GIMAP6: variants seen among roughly 807,000 people sequenced by gnomAD.
GIMAP6 encodes GTPase, IMAP family member 6, also known as GTPase IMAP family member 6.
A neutral mutation model predicts 9.3 loss-of-function variants in GIMAP6; 6 were observed. That is an observed-to-expected ratio of 0.65 (90% CI 0.35 to 1.27). GIMAP6 has a LOEUF of 1.27. Among genes scored for constraint, GIMAP6 ranks in the 50% most tolerant of loss-of-function variants. The probability of loss-of-function intolerance (pLI) is 0.03; values close to 1 mark genes in which losing one functional copy is unlikely to be tolerated. For missense variants in GIMAP6, 333 were observed against 359.5 expected, an observed-to-expected ratio of 0.93 and a Z score of 0.60; for synonymous variants, 156 against 151.1, an observed-to-expected ratio of 1.03 and a Z score of -0.24.
In GIMAP6 at chr7:150,628,359, T is replaced by G; in HGVS notation, c.239A>C (p.Gln80Pro). 1 of 1,614,104 alleles carries G rather than the reference T, an allele frequency of 6.2e-7. No individual in the cohort carries two copies. The highest frequency in any genetic ancestry group is 1.1e-5 in the South Asian group (1 of 91,064). ...LSTRPVTKTS[Q>P]RRSREWAGKE... ...CCCAGCCCACTCTCGGCTCCGTCTC[T>G]GGGAGGTCTTGGTCACGGGTCTGGT... Residue 80 changes from glutamine to proline, a missense_variant, in exon 3 of 3, where the codon CAG (glutamine) becomes CCG (proline). Physicochemically the swap from Gln to Pro is moderately conservative, Grantham distance 76. Transcript: ENST00000328902.
In GIMAP6 at chr7:150,627,620, A is replaced by T; in HGVS notation, c.*99T>A. On this transcript the variant is annotated 3_prime_UTR_variant, in exon 3 of 3. Coordinates refer to ENST00000328902, the MANE Select transcript of GIMAP6 (RefSeq NM_024711.6). ...TCCTACACCAGACGTCATGACCTGGAGACTGGGAAGCACTCCATGGGATGG... is the reference window on the plus strand; with the variant it reads ...TCCTACACCAGACGTCATGACCTGGTGACTGGGAAGCACTCCATGGGATGG... 1 of 1,458,486 alleles carries T rather than the reference A, an allele frequency of 6.9e-7. No individual in the cohort carries two copies. The highest frequency in any genetic ancestry group is 9.6e-7 in the Non-Finnish European group (1 of 1,043,670). The allele number at this position is 1,458,486 out of a possible 1,614,324, so 90.3% of individuals were successfully genotyped here.
chr7:150,631,699 T>C (rs191745354), intron 1 of GIMAP6, among the ~76,000 whole-genome samples: 1 of 152,320 alleles, frequency 6.6e-6, no homozygotes, highest in Admixed American at 6.5e-5. Context: ...GCACCTCCCA[T>C]GTTGGCCACA....
intron 2 of GIMAP6, among the ~76,000 whole-genome samples, chr7:150,629,600 C>G (rs1796357915): frequency 6.6e-6 from 1 of 152,124 alleles, no homozygotes; most frequent in African/African-American, 2.4e-5. Flanking sequence ...TCTGAGGCAG[C>G]AGCCAAGTAC....
At position 150,626,806 on chromosome 7, in the gene GIMAP6, G is replaced by A. The variant is rs1053803189; in HGVS notation, c.*913C>T. The A allele has an allele frequency of 3.3e-5, 5 of 152,222 alleles. No homozygotes were observed. The highest frequency in any genetic ancestry group is 5.9e-5 in the Non-Finnish European group (4 of 68,056). 9.4% of individuals were successfully genotyped at this position (152,222 alleles called of 1,614,324 possible). A position where few individuals can be genotyped will look rare whatever the true frequency, so the allele number is the denominator to read the frequency against. ...AGGGGTGGCAGTGAAGGGCGAGGCAGGTTGAAAGTAGTCTGTGCCTTCTAG... is the reference window on the plus strand; with the variant it reads ...AGGGGTGGCAGTGAAGGGCGAGGCAAGTTGAAAGTAGTCTGTGCCTTCTAG... On this transcript the variant is annotated 3_prime_UTR_variant, in exon 3 of 3. Transcript: ENST00000328902.
At chr7:150,630,035 T>C in intron 2 of GIMAP6, 23 bp downstream of exon 2, 1 of 1,507,750 alleles carries the variant, frequency 6.6e-7, no homozygotes, top group Non-Finnish European at 9.1e-7. Context: ...TCCCACTTGC[T>C]CCCCTCTCCT....
chr7:150,629,355 T>C (rs1796353945), intron 2 of GIMAP6, among the ~76,000 whole-genome samples: 1 of 152,232 alleles, frequency 6.6e-6, no homozygotes, highest in Non-Finnish European at 1.5e-5. Flanking sequence ...TAGGTTAACG[T>C]GGCTTTTTCC....
At position 150,628,562 on chromosome 7, in the gene GIMAP6, C is replaced by T. The variant is rs778763450; in HGVS notation, c.86-50G>A. 1.9e-6 allele frequency: 3 copies of T among 1,603,634 alleles called. No homozygotes were observed. The South Asian group carries it at 3.3e-5, about 18-fold the overall frequency. ...GGGAACTGGGGTAAGGGCCCATGTA[C>T]CCCATCTTGTCATCACCAGGAGCCT... On this transcript the variant is annotated intron_variant, in intron 2 of 2. Transcript: ENST00000328902.
At position 150,627,617 on chromosome 7, in the gene GIMAP6, T is replaced by C. The variant is rs761482554; in HGVS notation, c.*102A>G. 2.1e-6 allele frequency: 3 copies of C among 1,445,064 alleles called. No homozygotes were observed. In the South Asian group the frequency reaches 3.5e-5, roughly 17 times the overall value. 89.5% of individuals were successfully genotyped at this position (1,445,064 alleles called of 1,614,324 possible). On this transcript the variant is annotated 3_prime_UTR_variant, in exon 3 of 3. Coordinates refer to ENST00000328902, the MANE Select transcript of GIMAP6 (RefSeq NM_024711.6). ...TCTTCCTACACCAGACGTCATGACC[T>C]GGAGACTGGGAAGCACTCCATGGGA...
chr7:150,630,058 C>T lies in GIMAP6; in HGVS notation c.85G>A (p.Gly29Ser), dbSNP rs1462800367. 1 of 1,589,938 alleles carries T rather than the reference C, an allele frequency of 6.3e-7. No individual in the cohort carries two copies. Among genetic ancestry groups the T allele is most frequent in the Non-Finnish European group, 8.6e-7 (1 of 1,167,632 alleles). ...SQDPVLELSG[G>S]LREKEQKTPR... ...GCTCCCCTCTCCTCATTCATTTTAC[C>T]TCCTGACAGCTCCAGCACAGGATCC... The change falls in exon 2 of 3, where the codon GGT (glycine) becomes AGT (serine). Residue 29 changes from glycine to serine, a missense_variant and splice_region_variant. Coordinates refer to ENST00000328902, the MANE Select transcript of GIMAP6 (RefSeq NM_024711.6).
intron 2 of GIMAP6, 60 bp downstream of exon 2, chr7:150,629,998 C>T: frequency 9.2e-7 from 1 of 1,085,598 alleles, no homozygotes. Context: ...GGTGGTGGAG[C>T]TGTGTCCCAC....
Position 150,627,329 on chromosome 7 carries a change from G to A in GIMAP6, c.*390C>T, listed in dbSNP as rs191962641. The A allele has an allele frequency of 1.4e-4, 38 of 262,208 alleles. No individual in the cohort carries two copies. The Admixed American group carries it at 1.7e-3, about 11-fold the overall frequency. 16.2% of individuals were successfully genotyped at this position (262,208 alleles called of 1,614,324 possible). ...TGCATGGAGTTGCCGCACCAAACGT[G>A]ACTGCATGACTCCAATGCAGTCAAA... On this transcript the variant is annotated 3_prime_UTR_variant, in exon 3 of 3. Coordinates refer to ENST00000328902, the MANE Select transcript of GIMAP6 (RefSeq NM_024711.6).
At position 150,627,785 on chromosome 7, in the gene GIMAP6, T is replaced by C; in HGVS notation, c.813A>G (p.Gly271=). The change falls in exon 3 of 3, where the codon GGA becomes GGG. Residue 271 remains glycine, a synonymous_variant. Coordinates refer to ENST00000328902, the MANE Select transcript of GIMAP6 (RefSeq NM_024711.6). ...CAGATTCCTTCTGGATCTGGGACAG[T>C]CCTTCCAGCCAAGACTCCTCACCAG... The part of the protein sequence containing the change: ...DVPGEESWLE[G]LSQIQKESEE... The C allele has an allele frequency of 6.2e-7, 1 of 1,614,224 alleles. No homozygotes were observed. Among genetic ancestry groups the C allele is most frequent in the Non-Finnish European group, 8.5e-7 (1 of 1,180,030 alleles).
intron 2 of GIMAP6, 103 bp downstream of exon 2, chr7:150,629,955 G>T: frequency 1.3e-6 from 1 of 794,378 alleles, no homozygotes; most frequent in Non-Finnish European, 2.0e-6. Flanking sequence ...TTCTGTGACT[G>T]GGGGACGTCA....
Position 150,627,618 on chromosome 7 carries a change from G to A in GIMAP6, c.*101C>T, listed in dbSNP as rs1022432912. 8.3e-6 allele frequency: 12 copies of A among 1,447,910 alleles called. 1 individual carries two copies. In the Admixed American group the frequency reaches 1.2e-4, roughly 14 times the overall value. 89.7% of individuals were successfully genotyped at this position (1,447,910 alleles called of 1,614,324 possible). ...CTTCCTACACCAGACGTCATGACCT[G>A]GAGACTGGGAAGCACTCCATGGGAT... On this transcript the variant is annotated 3_prime_UTR_variant, in exon 3 of 3. Coordinates refer to ENST00000328902, the MANE Select transcript of GIMAP6 (RefSeq NM_024711.6).
chr7:150,628,632 C>T (rs1376185131), intron 2 of GIMAP6, 120 bp from the exon 3 acceptor site: 2 of 1,592,252 alleles, frequency 1.3e-6, no homozygotes, highest in Admixed American at 1.7e-5. Context: ...AAAAGACCAA[C>T]ATCTGCCCTG....
chr7:150,627,465 G>T lies in GIMAP6; in HGVS notation c.*254C>A, dbSNP rs759667467. 10 of 569,944 alleles carry T rather than the reference G, an allele frequency of 1.8e-5. No homozygotes were observed. The highest frequency in any genetic ancestry group is 3.0e-5 in the Admixed American group (1 of 32,844). The allele number at this position is 569,944 out of a possible 1,614,324, so 35.3% of individuals were successfully genotyped here. ...GAAAGGCAATGCAATGAGATAGAAG[G>T]TCCAATAGGAAGACAGCGTGCTGTT... On this transcript the variant is annotated 3_prime_UTR_variant, in exon 3 of 3. Transcript: ENST00000328902.
chr7:150,628,179 T>C lies in GIMAP6; in HGVS notation c.419A>G (p.Gln140Arg). ...TQLGRFTDEDQQVVRRLQEVF... is the reference protein window; with the variant it reads ...TQLGRFTDEDRQVVRRLQEVF... ...CTCCTGCAGGCGCCTGACCACCTGC[T>C]GATCCTCATCCGTGAACCGGCCCAG... is the stretch of plus-strand genomic sequence containing the variant. The change falls in exon 3 of 3, where the codon CAG (glutamine) becomes CGG (arginine). Residue 140 changes from glutamine (Q) to arginine (R), a missense_variant. Coordinates refer to ENST00000328902, the MANE Select transcript of GIMAP6 (RefSeq NM_024711.6). The C allele has an allele frequency of 1.2e-6, 2 of 1,614,210 alleles. No individual in the cohort carries two copies. Among genetic ancestry groups the C allele is most frequent in the Non-Finnish European group, 1.7e-6 (2 of 1,180,036 alleles).
At position 150,628,140 on chromosome 7, in the gene GIMAP6, C is replaced by G. The variant is rs770135610; in HGVS notation, c.458G>C (p.Gly153Ala). 2 of 1,614,238 alleles carry G rather than the reference C, an allele frequency of 1.2e-6. No individual in the cohort carries two copies. The highest frequency in any genetic ancestry group is 4.5e-5 in the East Asian group (2 of 44,876). Residue 153 changes from glycine to alanine, a missense_variant, in exon 3 of 3, where the codon GGG becomes GCG. By Grantham distance (60) the Gly-to-Ala change is moderately conservative. Transcript: ENST00000328902. ...VRRLQEVFGV[G>A]VLGHTILVFT... ...CACCAGGATGGTGTGACCCAGAACC[C>G]CCACTCCAAAGACCTCCTGCAGGCG...
rs1796406960 is a variant in GIMAP6, at chr7:150,632,371, G to A, written c.-203C>T. On this transcript the variant is annotated 5_prime_UTR_variant, in exon 1 of 3. Transcript: ENST00000328902. ...TGAAAGAGCAGTGTCCGCTGGAGAT[G>A]GAGGAACAGGAAGTGGGTAGGAGCA... 1 of 152,216 alleles carries A rather than the reference G, an allele frequency of 6.6e-6. No homozygotes were observed. Among genetic ancestry groups the A allele is most frequent in the Non-Finnish European group, 1.5e-5 (1 of 68,052 alleles). 9.4% of individuals were successfully genotyped at this position (152,216 alleles called of 1,614,324 possible). A position where few individuals can be genotyped will look rare whatever the true frequency, so the allele number is the denominator to read the frequency against.
Sources: allele counts gnomAD v4.1 joint callset (sites outside exome capture counted in the v4.1 genomes callset), GRCh38; gene constraint gnomAD v4.1.1; transcripts MANE v1.5; gene names NCBI Gene and HGNC (gene_info 2026-07-23, HGNC 2026-07-21).